The following VOPP1 variants were observed in gnomAD, a reference collection of about 807,000 sequenced individuals.
The protein encoded by VOPP1 is VOPP1 WW domain binding protein.
Under a neutral mutation model 23.5 loss-of-function variants are expected in VOPP1, and 8 were observed. The ratio of observed to expected loss-of-function variants is 0.34; its 90% CI spans 0.20 to 0.61. The LOEUF is 0.61. Among genes scored for constraint, VOPP1 ranks in the 20% least tolerant of loss-of-function variants. VOPP1 has a pLI of 0.78. For synonymous variants in VOPP1, 83 were observed against 97.3 expected, an observed-to-expected ratio of 0.85 and a Z score of 0.86; for missense variants, 174 against 238.1, an observed-to-expected ratio of 0.73 and a Z score of 1.77.
chr7:55,464,709 G>C (rs1018534042), intron 4 of VOPP1, among the ~76,000 whole-genome samples: 1 of 152,216 alleles, frequency 6.6e-6, no homozygotes, highest in Non-Finnish European at 1.5e-5. Flanking sequence ...TCAGTCAGGG[G>C]ATGTCAGAGG....
intron 2 of VOPP1, among the ~76,000 whole-genome samples, chr7:55,509,482 C>T (rs150145320): frequency 8.4e-4 from 128 of 152,206 alleles, no homozygotes; most frequent in African/African-American, 3.0e-3. Flanking sequence ...GAGGACAGAG[C>T]CCTCATGACT....
chr7:55,506,422 A>G (rs937875186), intron 2 of VOPP1, among the ~76,000 whole-genome samples: 5 of 152,022 alleles, frequency 3.3e-5, no homozygotes, highest in Admixed American at 6.6e-5. Context: ...TGCAACCTCC[A>G]CCTCTTGGGT....
chr7:55,544,012 A>G (rs180733389), intron 1 of VOPP1, among the ~76,000 whole-genome samples: 8 of 152,328 alleles, frequency 5.3e-5, no homozygotes, highest in Non-Finnish European at 7.3e-5. Flanking sequence ...GCATTTCCCC[A>G]AAGTTTTATT....
chr7:55,510,559 A>G (rs1237638482), intron 2 of VOPP1, among the ~76,000 whole-genome samples: 1 of 148,556 alleles, frequency 6.7e-6, no homozygotes, highest in African/African-American at 2.5e-5. Context: ...GACTTTATAT[A>G]AGGGCACTGG....
At chr7:55,460,611 A>G (rs1791475799) in intron 4 of VOPP1, among the ~76,000 whole-genome samples, 1 of 152,184 alleles carries the variant, frequency 6.6e-6, no homozygotes, top group Admixed American at 6.5e-5. Flanking sequence ...AAGCATTGTT[A>G]TAGGTTGGTG....
intron 1 of VOPP1, chr7:55,552,627 T>C: frequency 1.3e-6 from 2 of 1,536,022 alleles, no homozygotes; most frequent in Non-Finnish European, 1.7e-6. Flanking sequence ...CAGGTCTGTG[T>C]GGCTCCAAAG....
intron 1 of VOPP1, among the ~76,000 whole-genome samples, chr7:55,533,638 G>A (rs550883818): frequency 9.9e-5 from 15 of 152,238 alleles, no homozygotes; most frequent in Non-Finnish European, 1.8e-4. Context: ...AGATGGAAGG[G>A]ACTCTGCTAA....
intron 1 of VOPP1, chr7:55,553,002 A>T: frequency 3.1e-6 from 1 of 319,098 alleles, no homozygotes; most frequent in Non-Finnish European, 5.6e-6. Flanking sequence ...TTCCAATCAA[A>T]GTCAGGTGGG....
chr7:55,473,469 G>C (rs971814221), intron 4 of VOPP1, among the ~76,000 whole-genome samples: 3 of 152,198 alleles, frequency 2.0e-5, no homozygotes, highest in Non-Finnish European at 2.9e-5. Context: ...TCTCCCTGCC[G>C]GGCTAGTGTG....
intron 4 of VOPP1, among the ~76,000 whole-genome samples, chr7:55,485,535 G>A (rs1181392167): frequency 6.6e-6 from 1 of 152,224 alleles, no homozygotes; most frequent in African/African-American, 2.4e-5. Flanking sequence ...CACTTTGGGT[G>A]GTGCAGCACC....
In VOPP1 at chr7:55,510,035, ATTTCTT is replaced by A. The variant is rs1182481489; in HGVS notation, c.113+11031_113+11036del. Among the ~76,000 whole-genome samples, 3 of 152,266 alleles carry A rather than the reference ATTTCTT, an allele frequency of 2.0e-5. No individual in the cohort carries two copies. In the South Asian group the frequency reaches 6.2e-4, roughly 32 times the overall value. Reference sequence around the variant, plus strand: ...AGACCAAAATGAGGGTCAGGCTGCTATTTCTTGTGGCCCAATAATAAGATGCAGATG... The same window carrying A: ...AGACCAAAATGAGGGTCAGGCTGCTAGTGGCCCAATAATAAGATGCAGATG... On this transcript the variant is annotated intron_variant, in intron 2 of 4. Transcript: ENST00000285279.
intron 1 of VOPP1, among the ~76,000 whole-genome samples, chr7:55,546,788 G>C (rs1004015375): frequency 2.6e-5 from 4 of 152,244 alleles, no homozygotes; most frequent in Admixed American, 2.6e-4. Flanking sequence ...AGAGCCCAAA[G>C]GGAGGGGCGA....
intron 2 of VOPP1, among the ~76,000 whole-genome samples, chr7:55,508,738 T>A (rs935673434): frequency 1.3e-5 from 2 of 151,692 alleles, no homozygotes; most frequent in African/African-American, 2.4e-5. Flanking sequence ...TCTGGCCATA[T>A]GTCTCTTTCA....
intron 1 of VOPP1, among the ~76,000 whole-genome samples, chr7:55,555,365 A>G (rs1797767315): frequency 6.6e-6 from 1 of 152,188 alleles, no homozygotes; most frequent in African/African-American, 2.4e-5. Context: ...ATTTCCGCAC[A>G]TGTGAAAGCT....
intron 1 of VOPP1, among the ~76,000 whole-genome samples, chr7:55,569,255 C>G (rs1021620711): frequency 1.3e-5 from 2 of 152,286 alleles, no homozygotes; most frequent in Admixed American, 1.3e-4. Context: ...GGGAACACAA[C>G]CAGGGTTTCT....
intron 1 of VOPP1, among the ~76,000 whole-genome samples, chr7:55,556,647 A>C (rs934835767): frequency 8.1e-5 from 12 of 148,284 alleles, no homozygotes; most frequent in African/African-American, 2.5e-4. Context: ...CCCCCCCCCA[A>C]AACACTTCAA....
intron 1 of VOPP1, among the ~76,000 whole-genome samples, chr7:55,542,180 G>A (rs752623168): frequency 3.9e-5 from 6 of 152,080 alleles, no homozygotes; most frequent in Non-Finnish European, 5.9e-5. Context: ...ATGACATTTT[G>A]ATACAAGCAT....
Position 55,472,619 on chromosome 7 carries a change from C to T in VOPP1, c.*236G>A, listed in dbSNP as rs1791903656. 1 of 203,312 alleles carries T rather than the reference C, an allele frequency of 4.9e-6. No individual in the cohort carries two copies. Among genetic ancestry groups the T allele is most frequent in the East Asian group, 1.4e-4 (1 of 7,318 alleles). The allele number at this position is 203,312 out of a possible 1,614,324, so 12.6% of individuals were successfully genotyped here. On this transcript the variant is annotated 3_prime_UTR_variant, in exon 5 of 5. Transcript: ENST00000285279. ...CGTCAGCCCTCGGGGACTGTCACCA[C>T]ACTACCATGTGAGAGCACAGACTGC...
At chr7:55,467,663 T>A (rs773948998), downstream of VOPP1, among the ~76,000 whole-genome samples, 5 of 152,256 alleles carry the variant, frequency 3.3e-5, no homozygotes, top group Non-Finnish European at 5.9e-5. Flanking sequence ...TCAATTTGCA[T>A]CTCAAGTCAT....
Sources: gnomAD v4.1 joint callset for allele counts (sites outside exome capture counted in the v4.1 genomes callset) on GRCh38, gnomAD v4.1.1 for gene constraint, MANE v1.5 for transcripts, NCBI Gene and HGNC (gene_info 2026-07-23, HGNC 2026-07-21) for gene names.